The following PPFIBP1 variants were observed in gnomAD, a reference collection of about 807,000 sequenced individuals.
PPFIBP1 encodes liprin-beta-1.
In PPFIBP1, 112 loss-of-function variants were observed where a neutral mutation model predicts 137.8. The ratio of observed to expected loss-of-function variants is 0.81; its 90% CI spans 0.70 to 0.95. The LOEUF (loss-of-function observed/expected upper bound fraction) is 0.95, where lower values mean the gene tolerates loss of function less well. Among genes scored for constraint, PPFIBP1 ranks in the 40% least tolerant of loss-of-function variants. The probability of loss-of-function intolerance (pLI) is 0.00; values close to 1 mark genes in which losing one functional copy is unlikely to be tolerated. For synonymous variants in PPFIBP1, 378 were observed against 417.3 expected (o/e 0.91, Z 1.15); for missense variants, 1,083 against 1,196.6 (o/e 0.91, Z 1.40).
intron 5 of PPFIBP1, 57 bp from the exon 6 acceptor site, chr12:27,647,672 T>A (rs1323179648): frequency 7.8e-6 from 8 of 1,031,834 alleles, no homozygotes; most frequent in Non-Finnish European, 1.1e-5. Flanking sequence ...AGAAATAACG[T>A]ATGCAGTGGG....
At chr12:27,591,458 T>A (rs1362600001) in intron 2 of PPFIBP1, among the ~76,000 whole-genome samples, 1 of 152,076 alleles carries the variant, frequency 6.6e-6, no homozygotes, top group Non-Finnish European at 1.5e-5. Context: ...ATGGAATGGA[T>A]TGGGAGAGGA....
chr12:27,672,241 G>T (rs751813932), intron 14 of PPFIBP1, among the ~76,000 whole-genome samples, 186 bp from the exon 15 acceptor site: 2 of 152,140 alleles, frequency 1.3e-5, no homozygotes, highest in African/African-American at 4.8e-5. Flanking sequence ...TAAGAAAATA[G>T]AATGTTTTGC....
chr12:27,592,714 C>A (rs1346033522), intron 2 of PPFIBP1: 12 of 1,188,618 alleles, frequency 1.0e-5, no homozygotes, highest in Non-Finnish European at 1.5e-5. Flanking sequence ...CTCTGGAGCA[C>A]TTGTCCTTTG....
intron 1 of PPFIBP1, among the ~76,000 whole-genome samples, chr12:27,566,035 T>C (rs1201476348): frequency 6.6e-6 from 1 of 152,184 alleles, no homozygotes; most frequent in Non-Finnish European, 1.5e-5. Flanking sequence ...AGGTCATTAA[T>C]ATGCTTCTCC....
intron 1 of PPFIBP1, among the ~76,000 whole-genome samples, chr12:27,536,321 A>G (rs58872083): frequency 0.17 from 25,310 of 152,164 alleles, 2,369 homozygotes; most frequent in Middle Eastern, 0.26. Context: ...CTAGGACTGG[A>G]TAATTTATGA....
rs1253381391 is a variant in PPFIBP1, at chr12:27,681,505, G to A, written c.1896-41G>A. On this transcript the variant is annotated intron_variant, in intron 21 of 29. Coordinates refer to ENST00000228425, the MANE Select transcript of PPFIBP1 (RefSeq NM_003622.4). ...AAACTAATGATAAGCCACAGGATTG[G>A]CTTTGGATTATTTTTCATGCAATTA... 8 of 1,598,712 alleles carry A rather than the reference G, an allele frequency of 5.0e-6. 1 individual carries two copies. The South Asian group carries it at 7.7e-5, about 15-fold the overall frequency.
intron 2 of PPFIBP1, among the ~76,000 whole-genome samples, chr12:27,594,423 C>T (rs2052943871): frequency 6.6e-6 from 1 of 152,140 alleles, no homozygotes; most frequent in South Asian, 2.1e-4. Flanking sequence ...GGTGATCCAC[C>T]CACCTTGGCC....
intron 2 of PPFIBP1, among the ~76,000 whole-genome samples, chr12:27,614,757 G>A (rs1037848064): frequency 6.6e-6 from 1 of 152,186 alleles, no homozygotes; most frequent in East Asian, 1.9e-4. Context: ...AAAAAAATAA[G>A]CTATGACAGG....
At chr12:27,580,622 TTC>T (rs200781972) in intron 2 of PPFIBP1, among the ~76,000 whole-genome samples, 2,542 of 152,322 alleles carry the variant, frequency 0.017, 67 homozygotes, top group African/African-American at 0.058. Flanking sequence ...GCGTTTTCAG[TTC>T]ACTTTTTAAA....
At chr12:27,562,247 G>C (rs1261302358) in intron 1 of PPFIBP1, among the ~76,000 whole-genome samples, 3 of 151,946 alleles carry the variant, frequency 2.0e-5, no homozygotes, top group Non-Finnish European at 2.9e-5. Context: ...CTGGCACATA[G>C]AAGATGCTCC....
chr12:27,533,483 C>T (rs1242814439), intron 1 of PPFIBP1, among the ~76,000 whole-genome samples: 1 of 152,146 alleles, frequency 6.6e-6, no homozygotes, highest in Non-Finnish European at 1.5e-5. Context: ...TCATGTGTGT[C>T]AGACTCAGAA....
chr12:27,652,246 A>G (rs1360054769), intron 7 of PPFIBP1, among the ~76,000 whole-genome samples: 2 of 152,242 alleles, frequency 1.3e-5, no homozygotes, highest in Admixed American at 6.5e-5. Flanking sequence ...GGGAAGAAGT[A>G]TAGGCATTTC....
intron 2 of PPFIBP1, among the ~76,000 whole-genome samples, chr12:27,595,834 A>C (rs1351347419): frequency 6.9e-6 from 1 of 145,232 alleles, no homozygotes; most frequent in Non-Finnish European, 1.5e-5. Context: ...AGCCTGGGCA[A>C]CAACAGCGAC....
Position 27,563,869 on chromosome 12 carries a change from C to CTTT in PPFIBP1, c.-123-14271_-123-14269dup, listed in dbSNP as rs570467910. Among the ~76,000 whole-genome samples the CTTT allele has an allele frequency of 7.9e-3, 1,127 of 142,914 alleles. 15 individuals carry two copies. The highest frequency in any genetic ancestry group is 0.012 in the Admixed American group (171 of 14,314). The allele number at this position is 142,914 out of a possible 152,430, so 93.8% of individuals were successfully genotyped here. ...GGGCAAGCCAGCCATAAACACTTCC[C>CTTT]TTTTTTTTTTTTTTCTTTTTTGAGA... On this transcript the variant is annotated intron_variant, in intron 1 of 29. Coordinates refer to ENST00000228425, the MANE Select transcript of PPFIBP1 (RefSeq NM_003622.4).
Position 27,694,147 on chromosome 12 carries a change from AC to A in PPFIBP1, c.*1269del, listed in dbSNP as rs1336336869. The A allele has an allele frequency of 1.6e-5, 2 of 127,250 alleles. No homozygotes were observed. Among genetic ancestry groups the A allele is most frequent in the Non-Finnish European group, 3.3e-5 (2 of 60,092 alleles). 7.9% of individuals were successfully genotyped at this position (127,250 alleles called of 1,614,324 possible). ...TAGGATTACAGGTGTGTGGCCTCCCACCCCACCCCACCCTTCACACCTGGCT... is the reference window on the plus strand; with the variant it reads ...TAGGATTACAGGTGTGTGGCCTCCCACCCACCCCACCCTTCACACCTGGCT... On this transcript the variant is annotated 3_prime_UTR_variant, in exon 30 of 30. Transcript: ENST00000228425.
intron 11 of PPFIBP1, among the ~76,000 whole-genome samples, chr12:27,662,165 A>G (rs141229630): frequency 1.1e-3 from 175 of 152,306 alleles, no homozygotes; most frequent in African/African-American, 4.0e-3. Context: ...GGGGAAGAGC[A>G]AGAGTTGTTC....
At chr12:27,537,024 T>G (rs1057326268) in intron 1 of PPFIBP1, among the ~76,000 whole-genome samples, 14 of 152,192 alleles carry the variant, frequency 9.2e-5, no homozygotes, top group African/African-American at 3.4e-4. Context: ...CAATAATTTT[T>G]TAATCACTCT....
intron 1 of PPFIBP1, among the ~76,000 whole-genome samples, chr12:27,565,628 A>C (rs892647071): frequency 6.6e-6 from 1 of 152,138 alleles, no homozygotes; most frequent in African/African-American, 2.4e-5. Context: ...GCACATAACT[A>C]ATGACTCCTC....
intron 1 of PPFIBP1, among the ~76,000 whole-genome samples, chr12:27,575,001 T>C (rs527681355): frequency 2.4e-4 from 37 of 152,318 alleles, no homozygotes; most frequent in African/African-American, 8.7e-4. Flanking sequence ...AAAGGTTAAG[T>C]GACTTAGGTA....
Sources: gnomAD v4.1 joint callset for allele counts (sites outside exome capture counted in the v4.1 genomes callset) on GRCh38, gnomAD v4.1.1 for gene constraint, MANE v1.5 for transcripts, NCBI Gene and HGNC (gene_info 2026-07-23, HGNC 2026-07-21) for gene names.